INPP5B: variants seen among roughly 807,000 people sequenced by gnomAD.
INPP5B encodes the protein type II inositol 1,4,5-trisphosphate 5-phosphatase.
In INPP5B, 90 loss-of-function variants were observed where a neutral mutation model predicts 118.5. The ratio of observed to expected loss-of-function variants is 0.76; its 90% confidence interval spans 0.64 to 0.90. INPP5B has a LOEUF of 0.90. Ranked by LOEUF, INPP5B falls within the 40% of genes least tolerant of loss-of-function variation. INPP5B has a pLI of 0.00. For missense variants in INPP5B, 984 were observed against 1,125.6 expected (o/e 0.87, Z 1.80); for synonymous variants, 385 against 418.9 (o/e 0.92, Z 0.99).
rs1420536460 is a variant in INPP5B at position 37,875,726 on chromosome 1, A to C, written c.1678-10T>G. On this transcript the variant is annotated splice_polypyrimidine_tract_variant and intron_variant, in intron 16 of 23. Transcript: ENST00000373024. Reference sequence around the variant, plus strand: ...CATTTACGACCCTCACCTGAAAGGGAAACATCAGAGACTGAGTACCTTGGC... The same window carrying C: ...CATTTACGACCCTCACCTGAAAGGGCAACATCAGAGACTGAGTACCTTGGC... 14 of 1,603,496 alleles carry C rather than the reference A, an allele frequency of 8.7e-6. No homozygotes were observed. Among genetic ancestry groups the C allele is most frequent in the Non-Finnish European group, 1.2e-5 (14 of 1,170,330 alleles).
At chr1:37,903,291 C>G (rs972226123) in intron 7 of INPP5B, among the ~76,000 whole-genome samples, 3 of 152,178 alleles carry the variant, frequency 2.0e-5, no homozygotes, top group Admixed American at 1.3e-4. Context: ...CGAGAATGAC[C>G]TAGGTCATCC....
chr1:37,865,717 T>G (rs762360490), intron 22 of INPP5B, 44 bp downstream of exon 22: 2 of 1,598,326 alleles, frequency 1.3e-6, no homozygotes, highest in Middle Eastern at 1.7e-4. Context: ...CTTAGCCCCA[T>G]GGGGTCTGGG....
At chr1:37,877,412 A>T (rs781012003) in intron 16 of INPP5B, among the ~76,000 whole-genome samples, 2 of 152,168 alleles carry the variant, frequency 1.3e-5, no homozygotes, top group Non-Finnish European at 2.9e-5. Context: ...AATGTAATCT[A>T]ACATGATAAA....
At chr1:37,929,282 T>C (rs531954328) in intron 7 of INPP5B, 80 of 151,994 alleles carry the variant, frequency 5.3e-4, no homozygotes, top group African/African-American at 1.9e-3. Flanking sequence ...ACTACACCCA[T>C]CTAATTTTTG....
chr1:37,946,077 G>T (rs551068953), intron 2 of INPP5B, among the ~76,000 whole-genome samples, 175 bp downstream of exon 2: 1 of 152,214 alleles, frequency 6.6e-6, no homozygotes, highest in Non-Finnish European at 1.5e-5. Flanking sequence ...GGATAACTGC[G>T]TATTTAAAGC....
intron 6 of INPP5B, among the ~76,000 whole-genome samples, chr1:37,940,188 G>A (rs1032893591): frequency 4.6e-5 from 7 of 152,126 alleles, no homozygotes; most frequent in South Asian, 4.1e-4. Flanking sequence ...TTTACCTGCC[G>A]GGCTAATGTC....
intron 21 of INPP5B, among the ~76,000 whole-genome samples, chr1:37,866,222 G>T (rs1316790218): frequency 2.6e-5 from 4 of 152,102 alleles, no homozygotes; most frequent in Non-Finnish European, 4.4e-5. Context: ...GGCTCCACAG[G>T]CTCCAGCCTG....
chr1:37,868,476 G>C (rs779260469), intron 20 of INPP5B, 25 bp downstream of exon 20: 4 of 1,519,624 alleles, frequency 2.6e-6, no homozygotes, highest in South Asian at 1.1e-5. Context: ...CCTCAATCAG[G>C]TCTGAATGCT....
chr1:37,916,417 T>C (rs994625889), intron 7 of INPP5B, among the ~76,000 whole-genome samples: 7 of 150,938 alleles, frequency 4.6e-5, no homozygotes, highest in Admixed American at 4.0e-4. Context: ...TTTCATTTTT[T>C]TTTTTTTCTT....
intron 9 of INPP5B, among the ~76,000 whole-genome samples, chr1:37,888,760 G>A (rs968774553): frequency 5.9e-5 from 9 of 152,198 alleles, no homozygotes; most frequent in Admixed American, 2.0e-4. Flanking sequence ...TAGAAACAAT[G>A]TTATTTTATC....
At chr1:37,943,550 A>G (rs891993382) in intron 5 of INPP5B, 90 bp downstream of exon 5, 2 of 1,388,462 alleles carry the variant, frequency 1.4e-6, no homozygotes, top group Admixed American at 3.7e-5. Flanking sequence ...TAAGTTTAGC[A>G]GGGGGTGCTC....
chr1:37,915,308 T>A (rs1286777202), intron 7 of INPP5B, among the ~76,000 whole-genome samples: 1 of 152,202 alleles, frequency 6.6e-6, no homozygotes, highest in Non-Finnish European at 1.5e-5. Context: ...AAATACTACA[T>A]AACAACCCCA....
At chr1:37,869,824 T>C (rs1446072138) in intron 19 of INPP5B, 1 of 151,836 alleles carries the variant, frequency 6.6e-6, no homozygotes. Flanking sequence ...GACAAATCAC[T>C]CTCCTTGATT....
chr1:37,880,235 A>C, intron 14 of INPP5B, 41 bp from the exon 15 acceptor site: 1 of 1,460,000 alleles, frequency 6.8e-7, no homozygotes, highest in Non-Finnish European at 9.6e-7. Flanking sequence ...TCAGAATAAA[A>C]AGGTCAAACT....
At chr1:37,933,844 G>A (rs1645586193) in intron 6 of INPP5B, among the ~76,000 whole-genome samples, 1 of 150,842 alleles carries the variant, frequency 6.6e-6, no homozygotes, top group African/African-American at 2.4e-5. Flanking sequence ...GAACTCCGAG[G>A]GCTTTGGCAT....
chr1:37,899,136 G>C (rs1402999581), intron 7 of INPP5B, among the ~76,000 whole-genome samples: 1 of 146,708 alleles, frequency 6.8e-6, no homozygotes, highest in East Asian at 2.0e-4. Flanking sequence ...AGCCGAGATC[G>C]CGCCATTGCA....
chr1:37,867,582 G>A (rs1459930853), intron 20 of INPP5B, among the ~76,000 whole-genome samples: 1 of 152,094 alleles, frequency 6.6e-6, no homozygotes, highest in African/African-American at 2.4e-5. Flanking sequence ...ATAGTGCTTG[G>A]TACACTGCAA....
chr1:37,889,087 T>C (rs1643697366), intron 9 of INPP5B, among the ~76,000 whole-genome samples: 1 of 152,126 alleles, frequency 6.6e-6, no homozygotes, highest in African/African-American at 2.4e-5. Context: ...ACCCTGTCTC[T>C]ACAAAAATTT....
At chr1:37,885,593 C>CTATG (rs1643481058) in intron 13 of INPP5B, 45 bp downstream of exon 13, 1 of 1,566,114 alleles carries the variant, frequency 6.4e-7, no homozygotes, top group Non-Finnish European at 8.8e-7. Flanking sequence ...GCCCACAACT[C>CTATG]TATGTACTCA....
Sources: allele counts gnomAD v4.1 joint callset (sites outside exome capture counted in the v4.1 genomes callset), GRCh38; gene constraint gnomAD v4.1.1; transcripts MANE v1.5; gene names NCBI Gene and HGNC (gene_info 2026-07-23, HGNC 2026-07-21).